Variants in COQ8A observed in about 807,000 individuals in gnomAD.
COQ8A encodes atypical kinase COQ8A, mitochondrial.
In COQ8A, 51 loss-of-function variants were observed where a neutral mutation model predicts 65.0. That is an observed-to-expected ratio of 0.78 (90% confidence interval 0.63 to 0.99). The LOEUF (loss-of-function observed/expected upper bound fraction) is 0.99. COQ8A is among the 50% of genes least tolerant of loss of function. The pLI is 0.00. For missense variants in COQ8A, 940 were observed against 875.0 expected (o/e 1.07, Z -0.94); for synonymous variants, 371 against 353.2 (o/e 1.05, Z -0.57).
intron 8 of COQ8A, 45 bp from the exon 9 acceptor site, chr1:226,983,507 C>T: frequency 6.4e-7 from 1 of 1,573,332 alleles, no homozygotes; most frequent in Non-Finnish European, 8.7e-7. Flanking sequence ...CAGGGCCCAC[C>T]CGTCTCCCTG....
intron 2 of COQ8A, among the ~76,000 whole-genome samples, chr1:226,963,259 C>T (rs1383422208): frequency 6.6e-6 from 1 of 151,846 alleles, no homozygotes; most frequent in African/African-American, 2.4e-5. Context: ...AGCAGGGTGG[C>T]TGCCCGCAGT....
At chr1:226,956,646 CCACTCTCCCTGGCTG>C in intron 1 of COQ8A, among the ~76,000 whole-genome samples, 1 of 79,206 alleles carries the variant, frequency 1.3e-5, no homozygotes. Context: ...TCCCTGGCTG[CCACTCTCCCTGGCTG>C]CCACTCCCTG....
chr1:226,960,175 G>T lies in COQ8A; in HGVS notation c.-9-1202G>T, dbSNP rs369217293. Among the ~76,000 whole-genome samples the T allele has an allele frequency of 1.7e-3, 246 of 144,636 alleles. 8 individuals are homozygous for T. The East Asian group carries it at 0.034, about 20-fold the overall frequency. The allele number at this position is 144,636 out of a possible 152,430, so 94.9% of individuals were successfully genotyped here. A position where few individuals can be genotyped will look rare whatever the true frequency, so the allele number is the denominator to read the frequency against. Reference sequence around the variant, plus strand: ...GTAGTGGTGGTACTTGGTGGTGGTGGTGGTGATGGTACTTGTGGTGGTGGT... The same window carrying T: ...GTAGTGGTGGTACTTGGTGGTGGTGTTGGTGATGGTACTTGTGGTGGTGGT... On this transcript the variant is annotated intron_variant, in intron 1 of 14. Coordinates refer to ENST00000366777, the MANE Select transcript of COQ8A (RefSeq NM_020247.5).
chr1:226,968,694 G>C (rs1658704757), intron 4 of COQ8A, among the ~76,000 whole-genome samples: 1 of 152,180 alleles, frequency 6.6e-6, no homozygotes, highest in Non-Finnish European at 1.5e-5. Flanking sequence ...CAGGGACCCA[G>C]ACGGGTTTTC....
Position 226,982,042 on chromosome 1 carries a change from T to TG in COQ8A, c.749dup (p.Ser251PhefsTer36), listed in dbSNP as rs1255477052. On this transcript the variant is annotated frameshift_variant, in exon 6 of 15. Transcript: ENST00000366777. LOFTEE classifies it high-confidence loss of function. ...CCGCCCACAGGGAAGAAGGCCGTGC[T>TG]GGGTTCCAGTCCTTTCCTGTCCGAG... 6.2e-7 allele frequency: 1 copy of TG among 1,612,812 alleles called. No individual in the cohort carries two copies. The highest frequency in any genetic ancestry group is 8.5e-7 in the Non-Finnish European group (1 of 1,180,014).
intron 4 of COQ8A, among the ~76,000 whole-genome samples, chr1:226,974,225 C>T (rs1023794563): frequency 7.2e-5 from 11 of 152,206 alleles, no homozygotes; most frequent in Non-Finnish European, 1.3e-4. Context: ...GCCTGTGTTC[C>T]TGCCTGGGGG....
intron 8 of COQ8A, 121 bp from the exon 9 acceptor site, chr1:226,983,431 C>G: frequency 1.1e-6 from 1 of 938,468 alleles, no homozygotes; most frequent in Non-Finnish European, 1.7e-6. Flanking sequence ...CTCTGGTTCT[C>G]CAGGGTGTGG....
chr1:226,977,621 C>A, intron 5 of COQ8A, 98 bp downstream of exon 5: 2 of 1,354,200 alleles, frequency 1.5e-6, no homozygotes, highest in South Asian at 1.3e-5. Context: ...TGTCAGCCAG[C>A]TGGGCCGCAT....
intron 7 of COQ8A, 26 bp downstream of exon 7, chr1:226,982,789 T>C (rs1395308664): frequency 6.2e-7 from 1 of 1,613,242 alleles, no homozygotes; most frequent in Non-Finnish European, 8.5e-7. Flanking sequence ...CTCTGCCCAC[T>C]CTCTGTGGCC....
At chr1:226,947,009 A>G (rs1345038714) in intron 1 of COQ8A, among the ~76,000 whole-genome samples, 1 of 152,152 alleles carries the variant, frequency 6.6e-6, no homozygotes, top group South Asian at 2.1e-4. Flanking sequence ...GAATTGTGAT[A>G]CCCTCAGTCC....
At chr1:226,957,974 C>T (rs1442823586) in intron 1 of COQ8A, 1 of 152,136 alleles carries the variant, frequency 6.6e-6, no homozygotes, top group Non-Finnish European at 1.5e-5. Flanking sequence ...GTGCAGCTTT[C>T]CTAACCCCTG....
At position 226,982,669 on chromosome 1, in the gene COQ8A, GCCTT is replaced by G. The variant is rs1354226546; in HGVS notation, c.854-6_854-3del. On this transcript the variant is annotated splice_polypyrimidine_tract_variant and splice_region_variant and intron_variant, in intron 6 of 14. Coordinates refer to ENST00000366777, the MANE Select transcript of COQ8A (RefSeq NM_020247.5). ...CAGGTTCGCCCTGTGTCATTCTCCT[GCCTT>G]CCAGATGATGCCTTTATCAACCCCC... 3.1e-6 allele frequency: 5 copies of G among 1,612,734 alleles called. No homozygotes were observed. The East Asian group carries it at 1.1e-4, about 36-fold the overall frequency.
intron 1 of COQ8A, among the ~76,000 whole-genome samples, chr1:226,957,696 G>A (rs1158022761): frequency 6.6e-6 from 1 of 152,160 alleles, no homozygotes; most frequent in Non-Finnish European, 1.5e-5. Context: ...AGGATTGACT[G>A]TTGAATTCAT....
intron 11 of COQ8A, 109 bp from the exon 12 acceptor site, chr1:226,984,439 C>A: frequency 7.7e-7 from 1 of 1,294,506 alleles, no homozygotes; most frequent in East Asian, 2.4e-5. Flanking sequence ...TCAAACAGTC[C>A]CTAGGGTAGG....
At chr1:226,958,757 G>A (rs927376526) in intron 1 of COQ8A, among the ~76,000 whole-genome samples, 3 of 152,206 alleles carry the variant, frequency 2.0e-5, no homozygotes, top group African/African-American at 7.2e-5. Flanking sequence ...AGGAGAGCAG[G>A]CAGGCACACG....
chr1:226,977,670 T>C lies in COQ8A; in HGVS notation c.730+147T>C, dbSNP rs1390819222. On this transcript the variant is annotated intron_variant, in intron 5 of 14. Coordinates refer to ENST00000366777, the MANE Select transcript of COQ8A (RefSeq NM_020247.5). The stretch of plus-strand genomic sequence containing the variant: ...CACGTAAGTGGCGTCCCTGGGGTGA[T>C]GAGGCTGTTCATACAGACAGATTGA... The C allele has an allele frequency of 1.9e-4, 165 of 874,490 alleles. 3 individuals carry two copies. The South Asian group carries it at 2.7e-3, about 14-fold the overall frequency. The allele number at this position is 874,490 out of a possible 1,614,324, so 54.2% of individuals were successfully genotyped here.
intron 7 of COQ8A, 21 bp from the exon 8 acceptor site, chr1:226,982,873 C>T: frequency 6.2e-7 from 1 of 1,612,674 alleles, no homozygotes; most frequent in Non-Finnish European, 8.5e-7. Context: ...CTCAGAGCCC[C>T]TCCCTGGCCC....
Position 226,982,039 on chromosome 1 carries a change from T to C in COQ8A, c.743T>C (p.Val248Ala). Residue 248 changes from valine (V) to alanine (A), a missense_variant, in exon 6 of 15, where the codon GTG becomes GCG. Coordinates refer to ENST00000366777, the MANE Select transcript of COQ8A (RefSeq NM_020247.5). Reference sequence around the variant, plus strand: ...TGCCCGCCCACAGGGAAGAAGGCCGTGCTGGGTTCCAGTCCTTTCCTGTCC... The same window carrying C: ...TGCCCGCCCACAGGGAAGAAGGCCGCGCTGGGTTCCAGTCCTTTCCTGTCC... ...RSEDPSGKKA[V>A]LGSSPFLSEA... The C allele has an allele frequency of 4.3e-6, 7 of 1,612,906 alleles. No homozygotes were observed. The highest frequency in any genetic ancestry group is 5.9e-6 in the Non-Finnish European group (7 of 1,180,006).
intron 4 of COQ8A, among the ~76,000 whole-genome samples, chr1:226,973,433 TC>T (rs1404950654): frequency 6.6e-6 from 1 of 152,136 alleles, no homozygotes; most frequent in African/African-American, 2.4e-5. Context: ...ATTTGTGACA[TC>T]CCTGGGACTA....
Sources: gnomAD v4.1 joint callset for allele counts (sites outside exome capture counted in the v4.1 genomes callset) on GRCh38, gnomAD v4.1.1 for gene constraint, MANE v1.5 for transcripts, NCBI Gene and HGNC (gene_info 2026-07-23, HGNC 2026-07-21) for gene names.